Variants in PARP4 observed in about 807,000 individuals in gnomAD.
PARP4 encodes protein mono-ADP-ribosyltransferase PARP4.
A neutral mutation model predicts 187.7 loss-of-function variants in PARP4; 120 were observed. The observed-to-expected ratio is 0.64, with a 90% CI of 0.55 to 0.74. The LOEUF (loss-of-function observed/expected upper bound fraction) is 0.74. Among genes scored for constraint, PARP4 ranks in the 30% least tolerant of loss-of-function variants. PARP4 has a pLI of 0.00. For synonymous variants in PARP4, 654 were observed against 740.9 expected (o/e 0.88, Z 1.90); for missense variants, 1,836 against 2,070.5 (o/e 0.89, Z 2.20).
intron 21 of PARP4, 138 bp downstream of exon 21, chr13:24,456,203 G>T (rs1238026221): frequency 3.2e-6 from 2 of 633,334 alleles, no homozygotes; most frequent in East Asian, 2.7e-5. Flanking sequence ...AATATTTTTA[G>T]TTGCAGAATC....
chr13:24,460,384 G>C (rs552070843), intron 17 of PARP4, among the ~76,000 whole-genome samples: 7 of 151,732 alleles, frequency 4.6e-5, no homozygotes, highest in African/African-American at 1.7e-4. Flanking sequence ...GCGGAACTGG[G>C]AAGAGGCACT....
intron 33 of PARP4, among the ~76,000 whole-genome samples, chr13:24,425,952 C>T (rs753754147): frequency 2.9e-4 from 44 of 152,300 alleles, no homozygotes; most frequent in Middle Eastern, 3.4e-3. Flanking sequence ...GAATTTGAAC[C>T]TGGCCTTCCA....
At chr13:24,422,551 A>G (rs1047000465) in intron 33 of PARP4, among the ~76,000 whole-genome samples, 10 of 152,216 alleles carry the variant, frequency 6.6e-5, no homozygotes, top group Non-Finnish European at 1.3e-4. Flanking sequence ...TGTTATGTAC[A>G]TCCTGAAATA....
Position 24,423,017 on chromosome 13 carries a change from C to T in PARP4, c.4980-1703G>A, listed in dbSNP as rs1869828040. 2.0e-5 allele frequency among the ~76,000 whole-genome samples: 3 copies of T among 152,098 alleles called. No individual in the cohort carries two copies. The South Asian group carries it at 6.2e-4, about 32-fold the overall frequency. On this transcript the variant is annotated intron_variant, in intron 33 of 33. Transcript: ENST00000381989. ...AATATACTTGATCAATTTTGAAAATCTTTACTTTATGATATTACAGTTCAA... is the reference window on the plus strand; with the variant it reads ...AATATACTTGATCAATTTTGAAAATTTTTACTTTATGATATTACAGTTCAA...
intron 12 of PARP4, among the ~76,000 whole-genome samples, chr13:24,481,117 A>G (rs923721499): frequency 2.0e-5 from 3 of 152,332 alleles, no homozygotes; most frequent in Middle Eastern, 3.4e-3. Flanking sequence ...ATTGCGCTAA[A>G]TCTACTCTTT....
Position 24,434,719 on chromosome 13 carries a change from G to A in PARP4, c.4422C>T (p.Asn1474=), listed in dbSNP as rs148034634. ...FQPSAASLTA[N]LRLPMASALP... is the part of the protein sequence containing the mutation. ...AAGCAGAGGCCATTGGCAGCCTAAG[G>A]TTGGCAGTCAAAGAGGCTGCGGAAG... Residue 1474 remains asparagine, a synonymous_variant, in exon 31 of 34, where the codon AAC becomes AAT. Coordinates refer to ENST00000381989, the MANE Select transcript of PARP4 (RefSeq NM_006437.4). The A allele has an allele frequency of 2.5e-6, 4 of 1,613,980 alleles. No individual in the cohort carries two copies. Among genetic ancestry groups the A allele is most frequent in the Non-Finnish European group, 3.4e-6 (4 of 1,179,998 alleles).
At chr13:24,459,824 G>A in intron 18 of PARP4, 148 bp downstream of exon 18, 3 of 597,160 alleles carry the variant, frequency 5.0e-6, no homozygotes, top group Admixed American at 6.5e-5. Context: ...TACACATAAT[G>A]TATCTAAATG....
intron 20 of PARP4, among the ~76,000 whole-genome samples, chr13:24,458,003 C>T (rs577687538): frequency 4.1e-4 from 63 of 152,040 alleles, no homozygotes; most frequent in African/African-American, 1.5e-3. Context: ...GGTGTGGTAG[C>T]TCACACCTGT....
At chr13:24,460,383 G>C (rs1051808627) in intron 17 of PARP4, among the ~76,000 whole-genome samples, 8 of 151,582 alleles carry the variant, frequency 5.3e-5, no homozygotes, top group African/African-American at 2.0e-4. Context: ...AGCGGAACTG[G>C]GAAGAGGCAC....
intron 6 of PARP4, among the ~76,000 whole-genome samples, 157 bp from the exon 7 acceptor site, chr13:24,494,879 C>CCTTTTT (rs1555240007): frequency 4.8e-5 from 7 of 146,542 alleles, no homozygotes; most frequent in African/African-American, 1.8e-4. Context: ...TTTTCTTTTT[C>CCTTTTT]TTTTTTTTTT....
chr13:24,465,741 C>A (rs942196692), intron 17 of PARP4, among the ~76,000 whole-genome samples: 3 of 151,074 alleles, frequency 2.0e-5, no homozygotes, highest in Admixed American at 6.6e-5. Flanking sequence ...TGTAACAAAC[C>A]TGCATGTCTT....
chr13:24,459,457 T>C, intron 18 of PARP4, 147 bp from the exon 19 acceptor site: 3 of 710,866 alleles, frequency 4.2e-6, no homozygotes, highest in Non-Finnish European at 6.6e-6. Context: ...AGTTTGCTCA[T>C]GGAATGACAG....
intron 4 of PARP4, among the ~76,000 whole-genome samples, chr13:24,499,812 A>G (rs1869172782): frequency 6.6e-6 from 1 of 152,074 alleles, no homozygotes; most frequent in South Asian, 2.1e-4. Context: ...TTCATTTTGG[A>G]TTTTCTTCTC....
At chr13:24,504,838 C>T (rs574984637) in intron 1 of PARP4, among the ~76,000 whole-genome samples, 1 of 151,658 alleles carries the variant, frequency 6.6e-6, no homozygotes, top group Non-Finnish European at 1.5e-5. Context: ...AGATTACAGG[C>T]GCCCACCATG....
intron 10 of PARP4, among the ~76,000 whole-genome samples, chr13:24,487,289 T>C (rs1593640527): frequency 1.3e-5 from 2 of 151,046 alleles, no homozygotes; most frequent in Middle Eastern, 6.8e-3. Flanking sequence ...TCAAATACCT[T>C]AAGTGCTGTT....
chr13:24,431,973 C>T (rs192209970), intron 31 of PARP4, among the ~76,000 whole-genome samples: 1,563 of 152,280 alleles, frequency 0.01, 23 homozygotes, highest in African/African-American at 0.035. Flanking sequence ...ATGATCCACC[C>T]GCCTCGGCCT....
At chr13:24,503,435 A>G (rs1221139167) in intron 2 of PARP4, among the ~76,000 whole-genome samples, 3 of 152,140 alleles carry the variant, frequency 2.0e-5, no homozygotes, top group Non-Finnish European at 2.9e-5. Flanking sequence ...ATTGTCCTGC[A>G]GTTCAGGGAA....
intron 1 of PARP4, among the ~76,000 whole-genome samples, chr13:24,504,284 C>A (rs1593658004): frequency 3.5e-5 from 5 of 141,664 alleles, no homozygotes; most frequent in African/African-American, 1.0e-4. Context: ...TGTGTATACA[C>A]ATATATATTC....
chr13:24,490,604 CTT>C, intron 10 of PARP4, 62 bp downstream of exon 10: 2 of 1,282,854 alleles, frequency 1.6e-6, no homozygotes, highest in East Asian at 2.3e-5. Flanking sequence ...GTAATTAGCT[CTT>C]TAACGGAGTC....
Sources: gnomAD v4.1 joint callset for allele counts (sites outside exome capture counted in the v4.1 genomes callset) on GRCh38, gnomAD v4.1.1 for gene constraint, MANE v1.5 for transcripts, NCBI Gene and HGNC (gene_info 2026-07-23, HGNC 2026-07-21) for gene names.